MDGA2: variants seen among roughly 807,000 people sequenced by gnomAD.
MDGA2 encodes the protein MAM domain containing glycosylphosphatidylinositol anchor 2.
In MDGA2, 40 loss-of-function variants were observed where a neutral mutation model predicts 117.8. That is an observed-to-expected ratio of 0.34 (90% CI 0.26 to 0.44). MDGA2 has a LOEUF of 0.44. Among genes scored for constraint, MDGA2 ranks in the 20% least tolerant of loss-of-function variants. The pLI is 1.00. For synonymous variants in MDGA2, 452 were observed against 439.0 expected, an observed-to-expected ratio of 1.03 and a Z score of -0.37; for missense variants, 1,123 against 1,250.6, an observed-to-expected ratio of 0.90 and a Z score of 1.54.
intron 3 of MDGA2, among the ~76,000 whole-genome samples, chr14:47,199,690 A>T (rs995843945): frequency 1.6e-4 from 24 of 152,178 alleles, no homozygotes; most frequent in Non-Finnish European, 2.5e-4. Context: ...TAATAAACAG[A>T]CAGGTATTTG....
Position 47,674,744 on chromosome 14 carries a change from C to A in MDGA2, c.53G>T (p.Gly18Val). 1.3e-6 allele frequency: 1 copy of A among 746,234 alleles called. No individual in the cohort carries two copies. The highest frequency in any genetic ancestry group is 2.4e-6 in the Non-Finnish European group (1 of 422,008). 46.2% of individuals were successfully genotyped at this position (746,234 alleles called of 1,614,324 possible). A position where few individuals can be genotyped will look rare whatever the true frequency, so the allele number is the denominator to read the frequency against. The change falls in exon 1 of 17, where the codon GGA becomes GTA. Residue 18 changes from glycine (G) to valine (V), a missense_variant. Physicochemically the swap from Gly to Val is moderately radical, Grantham distance 109. This residue lies in a region of MDGA2 where 233 missense variants were observed against 200.3 expected (regional missense o/e 1.16). Transcript: ENST00000399232. Reference protein sequence around the residue: ...LLRSARRRRRGRTDGRRFLLR... With the variant: ...LLRSARRRRRVRTDGRRFLLR... The stretch of plus-strand genomic sequence containing the variant: ...GAGGAAGCGCCGTCCGTCTGTCCTT[C>A]CCCGGCGGCGGCGGCGAGCGGAGCG...
At chr14:46,889,315 T>G (rs899014617) in intron 10 of MDGA2, among the ~76,000 whole-genome samples, 5 of 152,118 alleles carry the variant, frequency 3.3e-5, no homozygotes, top group African/African-American at 1.2e-4. Context: ...ATTTTGCTTA[T>G]CATACTTTGC....
chr14:47,243,148 A>T (rs934160963), intron 2 of MDGA2, among the ~76,000 whole-genome samples: 1 of 151,700 alleles, frequency 6.6e-6, no homozygotes, highest in African/African-American at 2.4e-5. Flanking sequence ...TGTTTAGCTC[A>T]GGGTTTGTAA....
intron 6 of MDGA2, among the ~76,000 whole-genome samples, chr14:47,073,228 A>AT (rs1482719115): frequency 6.6e-6 from 1 of 152,208 alleles, no homozygotes; most frequent in Non-Finnish European, 1.5e-5. Context: ...AGGGTAAGCG[A>AT]TTAATAGCCT....
intron 1 of MDGA2, among the ~76,000 whole-genome samples, chr14:47,460,790 C>CCTGATCCATTGTTCGCCTTGGAA (rs1893466754): frequency 6.6e-6 from 1 of 151,974 alleles, no homozygotes; most frequent in African/African-American, 2.4e-5. Flanking sequence ...TATGAGTATC[C>CCTGATCCATTGTTCGCCTTGGAA]CTGATCCATT....
At chr14:47,673,971 C>T (rs1456716297) in intron 1 of MDGA2, among the ~76,000 whole-genome samples, 2 of 151,960 alleles carry the variant, frequency 1.3e-5, no homozygotes, top group Non-Finnish European at 2.9e-5. Context: ...TTTTCCCCTC[C>T]CGAAGTCAGT....
chr14:47,104,251 T>TC (rs965733540), intron 5 of MDGA2, among the ~76,000 whole-genome samples: 3 of 151,776 alleles, frequency 2.0e-5, no homozygotes, highest in African/African-American at 7.3e-5. Context: ...TGCACGTATA[T>TC]GCCCAGATGG....
At chr14:47,278,758 T>A (rs1220548643) in intron 2 of MDGA2, among the ~76,000 whole-genome samples, 1 of 152,162 alleles carries the variant, frequency 6.6e-6, no homozygotes, top group Non-Finnish European at 1.5e-5. Context: ...ATGTATATAA[T>A]AAAAAGTAAG....
At chr14:47,539,167 C>T (rs1396117916) in intron 1 of MDGA2, among the ~76,000 whole-genome samples, 4 of 152,164 alleles carry the variant, frequency 2.6e-5, no homozygotes, top group African/African-American at 9.7e-5. Context: ...AGGAGACCAA[C>T]TGTACATAGG....
In MDGA2 at chr14:46,855,804, T is replaced by G. The variant is rs1881247341; in HGVS notation, c.2753-650A>C. Among the ~76,000 whole-genome samples, 1 of 152,188 alleles carries G rather than the reference T, an allele frequency of 6.6e-6. No individual in the cohort carries two copies. The highest frequency in any genetic ancestry group is 2.1e-4 in the South Asian group (1 of 4,836). ...ACATAGCATGTAATCATGTACTGAA[T>G]AACTTGCTCAGAGTTGGACTCTAAT... On this transcript the variant is annotated intron_variant, in intron 14 of 16. Coordinates refer to ENST00000399232, the MANE Select transcript of MDGA2 (RefSeq NM_001113498.3). The surrounding 1 kb of genome is among the most constrained non-coding windows in gnomAD (Gnocchi z 4.1).
chr14:47,174,992 A>G (rs1884368994), intron 3 of MDGA2, among the ~76,000 whole-genome samples: 1 of 152,174 alleles, frequency 6.6e-6, no homozygotes, highest in African/African-American at 2.4e-5. Context: ...ACAGAAATAC[A>G]AACTACCATC....
At chr14:46,980,435 T>C (rs1886626754) in intron 8 of MDGA2, among the ~76,000 whole-genome samples, 1 of 152,196 alleles carries the variant, frequency 6.6e-6, no homozygotes, top group Non-Finnish European at 1.5e-5. Flanking sequence ...CTAGTGAAGA[T>C]GCCGTGAACA....
chr14:47,187,543 A>G (rs1010041739), intron 3 of MDGA2, among the ~76,000 whole-genome samples: 1 of 152,076 alleles, frequency 6.6e-6, no homozygotes, highest in African/African-American at 2.4e-5. Context: ...ATCCATGTTA[A>G]TATGTGACTC....
intron 1 of MDGA2, among the ~76,000 whole-genome samples, chr14:47,461,328 A>C (rs1893482829): frequency 7.2e-6 from 1 of 138,544 alleles, no homozygotes; most frequent in South Asian, 2.3e-4. Context: ...CACAAAGCCA[A>C]AACAGTAGGG....
chr14:47,237,970 C>A (rs555263755), intron 2 of MDGA2, among the ~76,000 whole-genome samples: 2 of 152,250 alleles, frequency 1.3e-5, no homozygotes, highest in African/African-American at 4.8e-5. Context: ...ATGGAACTCA[C>A]TCCTGTTCAC....
In MDGA2 at chr14:47,217,236, G is replaced by A. The variant is rs1224631438; in HGVS notation, c.595+785C>T. Among the ~76,000 whole-genome samples the A allele has an allele frequency of 2.0e-5, 3 of 151,950 alleles. No individual in the cohort carries two copies. The South Asian group carries it at 6.2e-4, about 31-fold the overall frequency. ...GTTGCTTATGTCTAAATTACTTTAAGAAAAGAAAAATAATTATCTTACATC... is the reference window on the plus strand; with the variant it reads ...GTTGCTTATGTCTAAATTACTTTAAAAAAAGAAAAATAATTATCTTACATC... On this transcript the variant is annotated intron_variant, in intron 3 of 16. Coordinates refer to ENST00000399232, the MANE Select transcript of MDGA2 (RefSeq NM_001113498.3).
At chr14:47,404,208 CAG>C (rs1892214133) in intron 1 of MDGA2, among the ~76,000 whole-genome samples, 1 of 147,652 alleles carries the variant, frequency 6.8e-6, no homozygotes, top group Admixed American at 6.8e-5. Context: ...TTTTTTAAGA[CAG>C]GGTCTCGCTC....
At chr14:47,555,819 T>C (rs1394998339) in intron 1 of MDGA2, among the ~76,000 whole-genome samples, 2 of 152,160 alleles carry the variant, frequency 1.3e-5, no homozygotes, top group East Asian at 3.9e-4. Context: ...AATTATTTTT[T>C]CCACAAACAC....
At chr14:47,183,614 C>G (rs538755947) in intron 3 of MDGA2, among the ~76,000 whole-genome samples, 1 of 152,176 alleles carries the variant, frequency 6.6e-6, no homozygotes, top group South Asian at 2.1e-4. Flanking sequence ...ATAGCAAACA[C>G]TGCAACAATA....
Sources: allele counts gnomAD v4.1 joint callset (sites outside exome capture counted in the v4.1 genomes callset), GRCh38; gene constraint gnomAD v4.1.1; regional missense constraint gnomAD v4.1.1; non-coding constraint Gnocchi (gnomAD v3.1); transcripts MANE v1.5; gene names NCBI Gene and HGNC (gene_info 2026-07-23, HGNC 2026-07-21).